The following VWF variants were observed in gnomAD, a reference collection of about 807,000 sequenced individuals.
VWF encodes Factor VIII related antigen.
In VWF, 176 loss-of-function variants were observed where a neutral mutation model predicts 308.6. The ratio of observed to expected loss-of-function variants is 0.57; its 90% CI spans 0.50 to 0.65. The LOEUF (loss-of-function observed/expected upper bound fraction) is 0.65, where lower values mean the gene tolerates loss of function less well. Ranked by LOEUF, VWF falls within the 30% of genes least tolerant of loss-of-function variation. The pLI is 0.00. For synonymous variants in VWF, 1,385 were observed against 1,443.4 expected (o/e 0.96, Z 0.92); for missense variants, 3,146 against 3,648.2 (o/e 0.86, Z 3.55).
intron 6 of VWF, among the ~76,000 whole-genome samples, chr12:6,083,115 T>A (rs957375781): frequency 1.3e-5 from 2 of 152,184 alleles, no homozygotes; most frequent in African/African-American, 4.8e-5. Context: ...AACCCATCAC[T>A]TTCAAAGCGT....
chr12:5,961,730 A>G (rs1160999910), intron 47 of VWF, among the ~76,000 whole-genome samples: 3 of 152,158 alleles, frequency 2.0e-5, no homozygotes, highest in African/African-American at 7.2e-5. Context: ...CATTTGCAAT[A>G]TCGTCCAAAA....
chr12:6,092,620 T>TGAGAGTGAGAGAGAGAGAGAGAGAGTGA (rs1250915385), intron 6 of VWF, among the ~76,000 whole-genome samples: 2 of 89,678 alleles, frequency 2.2e-5, no homozygotes, highest in African/African-American at 6.0e-5. Context: ...TGAGTGAGAG[T>TGAGAGTGAGAGAGAGAGAGAGAGAGTGA]GTGTGTGTGT....
intron 38 of VWF, among the ~76,000 whole-genome samples, chr12:5,989,153 C>T (rs1276594688): frequency 6.6e-6 from 1 of 152,226 alleles, no homozygotes; most frequent in Non-Finnish European, 1.5e-5. Context: ...CCACCACCAG[C>T]AGCTCCACTG....
chr12:6,070,205 G>A (rs1303620750), intron 10 of VWF, among the ~76,000 whole-genome samples: 3 of 152,118 alleles, frequency 2.0e-5, no homozygotes, highest in South Asian at 4.1e-4. Context: ...TTTCTCCTTC[G>A]TGCCTTCTTT....
At chr12:6,011,514 G>A (rs1943993249) in intron 34 of VWF, 103 bp downstream of exon 34, 3 of 966,798 alleles carry the variant, frequency 3.1e-6, no homozygotes, top group Non-Finnish European at 3.2e-6. Flanking sequence ...ATGAGGGAAA[G>A]GGTACTTCTG....
intron 43 of VWF, 89 bp from the exon 44 acceptor site, chr12:5,971,798 G>T: frequency 8.5e-7 from 1 of 1,179,566 alleles, no homozygotes; most frequent in South Asian, 1.2e-5. Context: ...TGAGCCCTGG[G>T]GTTGTGCCAA....
rs1250492485 is a variant in VWF at position 6,071,337 on chromosome 12, G to A, written c.1116C>T (p.Cys372=). Reference sequence around the variant, plus strand: ...TGCTGCAGATCCACTGGCTGTTTCGGCAAATGCTGTTGGAGGGAAAAAGCA... The same window carrying A: ...TGCTGCAGATCCACTGGCTGTTTCGACAAATGCTGTTGGAGGGAAAAAGCA... ...SLSRDCNTCI[C]RNSQWICSNE... The change falls in exon 10 of 52, where the codon TGC becomes TGT. Residue 372 remains cysteine (C), a synonymous_variant. Coordinates refer to ENST00000261405, the MANE Select transcript of VWF (RefSeq NM_000552.5). The A allele has an allele frequency of 6.2e-7, 1 of 1,614,168 alleles. No individual in the cohort carries two copies. Among genetic ancestry groups the A allele is most frequent in the African/African-American group, 1.3e-5 (1 of 75,066 alleles).
intron 48 of VWF, among the ~76,000 whole-genome samples, chr12:5,953,194 T>C (rs905944103): frequency 4.0e-5 from 6 of 151,414 alleles, no homozygotes; most frequent in African/African-American, 1.5e-4. Flanking sequence ...GACATTGCAC[T>C]CCAGCCTGGC....
At chr12:6,096,497 T>A (rs1945107381) in intron 5 of VWF, among the ~76,000 whole-genome samples, 1 of 152,212 alleles carries the variant, frequency 6.6e-6, no homozygotes, top group African/African-American at 2.4e-5. Flanking sequence ...CTCATATTCA[T>A]CTCCCATTCA....
chr12:6,090,279 A>C (rs539954573), intron 6 of VWF, among the ~76,000 whole-genome samples: 1 of 152,218 alleles, frequency 6.6e-6, no homozygotes, highest in South Asian at 2.1e-4. Context: ...TCTCTTACAC[A>C]ATACCTCGAG....
intron 5 of VWF, among the ~76,000 whole-genome samples, chr12:6,103,430 A>ATATACACC: frequency 8.6e-6 from 1 of 115,708 alleles, no homozygotes; most frequent in African/African-American, 4.2e-5. Context: ...GTGTATACAC[A>ATATACACC]CGTGTGTATA....
intron 2 of VWF, among the ~76,000 whole-genome samples, chr12:6,122,209 T>C (rs933866725): frequency 3.3e-5 from 5 of 152,254 alleles, no homozygotes; most frequent in African/African-American, 1.2e-4. Flanking sequence ...ATTTTGCATC[T>C]GAATGTCTAT....
chr12:6,071,754 C>T (rs1484725728), intron 9 of VWF, among the ~76,000 whole-genome samples: 2 of 152,178 alleles, frequency 1.3e-5, no homozygotes, highest in African/African-American at 2.4e-5. Flanking sequence ...TCAGTGCACA[C>T]AGAAGGCTGC....
At chr12:5,958,237 T>C (rs1943271591) in intron 47 of VWF, among the ~76,000 whole-genome samples, 1 of 152,202 alleles carries the variant, frequency 6.6e-6, no homozygotes, top group African/African-American at 2.4e-5. Flanking sequence ...ATATCAATAA[T>C]TACATTAAAT....
intron 20 of VWF, 40 bp downstream of exon 20, chr12:6,034,648 G>A (rs372941891): frequency 6.2e-7 from 1 of 1,613,180 alleles, no homozygotes; most frequent in Non-Finnish European, 8.5e-7. Flanking sequence ...ACCCCTCCTA[G>A]AAAGAAACAG....
At chr12:5,980,213 AGGGAG>A in intron 42 of VWF, among the ~76,000 whole-genome samples, 1 of 9,964 alleles carries the variant, frequency 1.0e-4, no homozygotes, top group Admixed American at 1.5e-3. Flanking sequence ...GTAGGTAGGT[AGGGAG>A]GGAGGGAGGG....
In VWF at chr12:6,110,249, C is replaced by T. The variant is rs1414324196; in HGVS notation, c.532+125G>A. On this transcript the variant is annotated intron_variant, in intron 5 of 51. Transcript: ENST00000261405. ...GAATGCAAAGAGATAAGGTTGGCAACATAAATTGAGGTGAGGTCACAGTGA... is the reference window on the plus strand; with the variant it reads ...GAATGCAAAGAGATAAGGTTGGCAATATAAATTGAGGTGAGGTCACAGTGA... The T allele has an allele frequency of 2.8e-5, 29 of 1,039,612 alleles. 1 individual carries two copies. Among genetic ancestry groups the T allele is most frequent in the Middle Eastern group, 2.5e-4 (1 of 3,986 alleles). 64.4% of individuals were successfully genotyped at this position (1,039,612 alleles called of 1,614,324 possible). A position where few individuals can be genotyped will look rare whatever the true frequency, so the allele number is the denominator to read the frequency against.
Position 6,103,335 on chromosome 12 carries a change from T to C in VWF, c.532+7039A>G, listed in dbSNP as rs561064149. ...GAGCGAGACTCCGTCTCAAAAAATA[T>C]ATATATATATGTGTGTATATATACA... is the stretch of plus-strand genomic sequence containing the variant. On this transcript the variant is annotated intron_variant, in intron 5 of 51. Coordinates refer to ENST00000261405, the MANE Select transcript of VWF (RefSeq NM_000552.5). Among the ~76,000 whole-genome samples, 9 of 150,044 alleles carry C rather than the reference T, an allele frequency of 6.0e-5. 1 individual carries two copies. Among genetic ancestry groups the C allele is most frequent in the African/African-American group, 2.2e-4 (9 of 40,894 alleles).
Position 6,019,856 on chromosome 12 carries a change from T to G in VWF, c.3675-113A>C, listed in dbSNP as rs551789077. ...CCCACAGAATCTCCTCTGTTCCACC[T>G]GAACTTGAGATCCCATGGACCATTC... On this transcript the variant is annotated intron_variant, in intron 27 of 51. Transcript: ENST00000261405. This position sits in a 1 kb window ranked among gnomAD's most constrained non-coding sequence, Gnocchi z 5.8. 3 of 1,245,232 alleles carry G rather than the reference T, an allele frequency of 2.4e-6. No homozygotes were observed. Among genetic ancestry groups the G allele is most frequent in the African/African-American group, 1.5e-5 (1 of 67,024 alleles). 77.1% of individuals were successfully genotyped at this position (1,245,232 alleles called of 1,614,324 possible).
Sources: allele counts gnomAD v4.1 joint callset (sites outside exome capture counted in the v4.1 genomes callset), GRCh38; gene constraint gnomAD v4.1.1; non-coding constraint Gnocchi (gnomAD v3.1); transcripts MANE v1.5; gene names NCBI Gene and HGNC (gene_info 2026-07-23, HGNC 2026-07-21).